Variants in RYR2 observed in about 807,000 individuals in gnomAD.
RYR2 encodes ryanodine receptor 2.
Under a neutral mutation model 601.1 loss-of-function variants are expected in RYR2, and 227 were observed. That is an observed-to-expected ratio of 0.38 (90% CI 0.34 to 0.42). The LOEUF is 0.42. RYR2 is among the 10% of genes least tolerant of loss of function. RYR2 has a pLI of 1.00. For synonymous variants in RYR2, 2,223 were observed against 2,175.1 expected (o/e 1.02, Z -0.61); for missense variants, 4,646 against 6,156.5 (o/e 0.75, Z 8.21).
At chr1:237,437,742 T>G (rs77263020) in intron 12 of RYR2, among the ~76,000 whole-genome samples, 2,238 of 152,320 alleles carry the variant, frequency 0.015, 75 homozygotes, top group East Asian at 0.089. Flanking sequence ...GTGCTTGCAA[T>G]AATTCTAGAC....
Position 237,730,128 on chromosome 1 carries a change from G to A in RYR2, c.10839-132G>A, listed in dbSNP as rs1343345300. 7 of 589,470 alleles carry A rather than the reference G, an allele frequency of 1.2e-5. No homozygotes were observed. In the Admixed American group the frequency reaches 1.9e-4, roughly 16 times the overall value. 36.5% of individuals were successfully genotyped at this position (589,470 alleles called of 1,614,324 possible). A position where few individuals can be genotyped will look rare whatever the true frequency, so the allele number is the denominator to read the frequency against. ...CAAGAAGCATTGTCTTTCAGGAGGA[G>A]AGTCAAGAATAGAGAATTTATTTCT... On this transcript the variant is annotated intron_variant, in intron 76 of 104. Transcript: ENST00000366574.
intron 62 of RYR2, among the ~76,000 whole-genome samples, chr1:237,685,970 C>T (rs1415361199): frequency 1.3e-5 from 2 of 152,174 alleles, no homozygotes; most frequent in African/African-American, 4.8e-5. Flanking sequence ...CACATTGTTA[C>T]AGAAGTGAGG....
intron 10 of RYR2, among the ~76,000 whole-genome samples, chr1:237,389,964 C>T (rs935476348): frequency 6.6e-6 from 1 of 152,150 alleles, no homozygotes; most frequent in South Asian, 2.1e-4. Flanking sequence ...GCTGTAAAGA[C>T]CTGGAATAGC....
At chr1:237,397,939 C>T (rs6669063) in intron 10 of RYR2, among the ~76,000 whole-genome samples, 123,122 of 151,892 alleles carry the variant, frequency 0.81, 50,501 homozygotes, top group East Asian at 1. Context: ...GCCAGGATGG[C>T]CTCAATCTCC....
At chr1:237,552,147 G>T (rs990118870) in intron 27 of RYR2, among the ~76,000 whole-genome samples, 1 of 152,088 alleles carries the variant, frequency 6.6e-6, no homozygotes, top group South Asian at 2.1e-4. Flanking sequence ...TGTGGTACAC[G>T]CATTATGAAT....
Position 237,265,693 on chromosome 1 carries a change from G to T in RYR2, c.49-4804G>T, listed in dbSNP as rs187275859. Among the ~76,000 whole-genome samples, 34 of 152,302 alleles carry T rather than the reference G, an allele frequency of 2.2e-4. No homozygotes were observed. The East Asian group carries it at 5.0e-3, about 22-fold the overall frequency. ...TTGAAGGGTTTTAAGCCAGCATGCC[G>T]TATAGTACAGATTGATGGTGTGGCC... On this transcript the variant is annotated intron_variant, in intron 1 of 104. Transcript: ENST00000366574.
intron 1 of RYR2, among the ~76,000 whole-genome samples, chr1:237,101,337 G>T (rs957282522): frequency 3.7e-5 from 5 of 134,372 alleles, no homozygotes; most frequent in Middle Eastern, 4.5e-3. Context: ...TCACAAACAA[G>T]ATGTTTCTTT....
In RYR2 at chr1:237,655,852, T is replaced by A. The variant is rs770139747; in HGVS notation, c.7997T>A (p.Leu2666Gln). 3 of 1,605,800 alleles carry A rather than the reference T, an allele frequency of 1.9e-6. No homozygotes were observed. The East Asian group carries it at 6.7e-5, about 36-fold the overall frequency. Residue 2666 changes from leucine (L) to glutamine (Q), a missense_variant, in exon 53 of 105, where the codon CTG (leucine) becomes CAG (glutamine). Physicochemically the swap from Leu to Gln is moderately radical, Grantham distance 113. This residue lies in a region of RYR2 where 1,497 missense variants were observed against 1,842.6 expected (regional missense o/e 0.81). Coordinates refer to ENST00000366574, the MANE Select transcript of RYR2 (RefSeq NM_001035.3). Reference sequence around the variant, plus strand: ...GAACAAGAACTTTTCAAACTGGCACTGCCTTGCCTGAGTGCAGTTGCGGGA... The same window carrying A: ...GAACAAGAACTTTTCAAACTGGCACAGCCTTGCCTGAGTGCAGTTGCGGGA... ...KYEQELFKLALPCLSAVAGAL... is the reference protein window; with the variant it reads ...KYEQELFKLAQPCLSAVAGAL...
chr1:237,596,838 G>A (rs1328329513), intron 34 of RYR2, among the ~76,000 whole-genome samples: 1 of 152,224 alleles, frequency 6.6e-6, no homozygotes, highest in Non-Finnish European at 1.5e-5. Flanking sequence ...TTGAAGGCTA[G>A]GGAAATGAGA....
chr1:237,506,677 C>A, intron 22 of RYR2, 33 bp from the exon 23 acceptor site: 1 of 1,514,786 alleles, frequency 6.6e-7, no homozygotes, highest in South Asian at 1.2e-5. Context: ...GCATTTGTTT[C>A]TGATGTGTCT....
In RYR2 at chr1:237,064,574, C is replaced by T. The variant is rs76307448; in HGVS notation, c.48+22005C>T. On this transcript the variant is annotated intron_variant, in intron 1 of 104. Transcript: ENST00000366574. ...TAGAGGTTCTAGATGATGTTATCTT[C>T]TTCCACAAAACATTAATTTTATTCT... is the stretch of plus-strand genomic sequence containing the variant. 3.5e-3 allele frequency among the ~76,000 whole-genome samples: 537 copies of T among 152,134 alleles called. 3 individuals are homozygous for T. Among genetic ancestry groups the T allele is most frequent in the African/African-American group, 0.012 (518 of 41,504 alleles).
At chr1:237,302,313 A>T (rs1693435854) in intron 2 of RYR2, among the ~76,000 whole-genome samples, 1 of 152,204 alleles carries the variant, frequency 6.6e-6, no homozygotes, top group Non-Finnish European at 1.5e-5. Context: ...GCTTAACATA[A>T]GTCTTTAATG....
At chr1:237,321,566 A>G (rs920999708) in intron 2 of RYR2, among the ~76,000 whole-genome samples, 1 of 152,202 alleles carries the variant, frequency 6.6e-6, no homozygotes, top group African/African-American at 2.4e-5. Flanking sequence ...ACCAGTACAC[A>G]GAAATAGTGG....
At chr1:237,599,855 C>T (rs1676308383) in intron 34 of RYR2, among the ~76,000 whole-genome samples, 1 of 145,074 alleles carries the variant, frequency 6.9e-6, no homozygotes, top group African/African-American at 2.6e-5. Flanking sequence ...ATACATTTAA[C>T]AAAGGAGGTG....
At chr1:237,463,981 A>G (rs61833789) in intron 16 of RYR2, among the ~76,000 whole-genome samples, 7,358 of 152,268 alleles carry the variant, frequency 0.048, 267 homozygotes, top group Non-Finnish European at 0.075. Context: ...GGCAGAAACT[A>G]CTCTTAAACT....
At chr1:237,736,356 G>A (rs948732449) in intron 79 of RYR2, among the ~76,000 whole-genome samples, 1 of 151,816 alleles carries the variant, frequency 6.6e-6, no homozygotes, top group African/African-American at 2.4e-5. Flanking sequence ...AGCTCCTCAG[G>A]AGGCTGAGGC....
At chr1:237,413,380 A>C (rs985718419) in intron 10 of RYR2, among the ~76,000 whole-genome samples, 1 of 152,310 alleles carries the variant, frequency 6.6e-6, no homozygotes, top group Admixed American at 6.5e-5. Context: ...GTAAAATTTT[A>C]ATAAAAATAC....
At chr1:237,351,870 A>G (rs912778419) in intron 3 of RYR2, among the ~76,000 whole-genome samples, 1 of 150,750 alleles carries the variant, frequency 6.6e-6, no homozygotes, top group African/African-American at 2.4e-5. Flanking sequence ...AAAAAAAAAA[A>G]AAAAAAAAGG....
intron 103 of RYR2, 59 bp from the exon 104 acceptor site, chr1:237,831,455 C>A: frequency 1.1e-6 from 1 of 894,244 alleles, no homozygotes; most frequent in Non-Finnish European, 1.8e-6. Context: ...CTAAATATGC[C>A]CTGTTTATCC....
Sources: allele counts gnomAD v4.1 joint callset (sites outside exome capture counted in the v4.1 genomes callset), GRCh38; gene constraint gnomAD v4.1.1; regional missense constraint gnomAD v4.1.1; transcripts MANE v1.5; gene names NCBI Gene and HGNC (gene_info 2026-07-23, HGNC 2026-07-21).